The following CDH18 variants were observed in gnomAD, a reference collection of about 807,000 sequenced individuals.
CDH18 encodes cadherin-18.
A neutral mutation model predicts 67.9 loss-of-function variants in CDH18; 31 were observed. The ratio of observed to expected loss-of-function variants is 0.46; its 90% CI spans 0.34 to 0.62. The LOEUF (loss-of-function observed/expected upper bound fraction) is 0.62. Among genes scored for constraint, CDH18 ranks in the 20% least tolerant of loss-of-function variants. The probability of loss-of-function intolerance (pLI) is 0.01; values close to 1 mark genes in which losing one functional copy is unlikely to be tolerated. For missense variants in CDH18, 890 were observed against 975.5 expected, an observed-to-expected ratio of 0.91 and a Z score of 1.17; for synonymous variants, 362 against 347.2, an observed-to-expected ratio of 1.04 and a Z score of -0.48.
intron 2 of CDH18, among the ~76,000 whole-genome samples, chr5:20,113,742 A>C (rs1747668930): frequency 1.3e-5 from 2 of 152,244 alleles, no homozygotes; most frequent in Non-Finnish European, 2.9e-5. Context: ...CAGTAATCAT[A>C]ATACTAATTG....
At chr5:20,172,793 C>G (rs1393625153) in intron 2 of CDH18, among the ~76,000 whole-genome samples, 1 of 151,842 alleles carries the variant, frequency 6.6e-6, no homozygotes, top group Admixed American at 6.6e-5. Flanking sequence ...GAGTTCAAGA[C>G]CAACCTGACC....
At chr5:19,978,266 T>C (rs1798695845) in intron 2 of CDH18, among the ~76,000 whole-genome samples, 1 of 152,016 alleles carries the variant, frequency 6.6e-6, no homozygotes, top group Non-Finnish European at 1.5e-5. Context: ...TCATTAGGAG[T>C]AACATTTACC....
chr5:20,143,977 T>G (rs1383370863), intron 2 of CDH18, among the ~76,000 whole-genome samples: 1 of 152,178 alleles, frequency 6.6e-6, no homozygotes, highest in Admixed American at 6.6e-5. Flanking sequence ...CTCTCTTGTG[T>G]GATGTCTTGA....
chr5:19,953,228 TAA>T (rs1795967326), intron 2 of CDH18, among the ~76,000 whole-genome samples: 1 of 152,078 alleles, frequency 6.6e-6, no homozygotes, highest in Non-Finnish European at 1.5e-5. Flanking sequence ...ATAAATTATT[TAA>T]AATGAGGATG....
At chr5:20,327,169 C>A (rs891988564) in intron 1 of CDH18, among the ~76,000 whole-genome samples, 4 of 152,094 alleles carry the variant, frequency 2.6e-5, no homozygotes, top group Non-Finnish European at 5.9e-5. Flanking sequence ...AATATTGCGA[C>A]CCCAAACTCA....
chr5:19,575,001 C>T (rs1014780327), intron 7 of CDH18, among the ~76,000 whole-genome samples: 17 of 152,052 alleles, frequency 1.1e-4, no homozygotes, highest in African/African-American at 3.9e-4. Flanking sequence ...ATCATGCCAC[C>T]GCACTCCAGC....
chr5:19,872,267 A>G (rs942817936), intron 2 of CDH18, among the ~76,000 whole-genome samples: 1 of 152,194 alleles, frequency 6.6e-6, no homozygotes, highest in African/African-American at 2.4e-5. Context: ...ATACCCTAAG[A>G]TAACCTTAGG....
intron 2 of CDH18, among the ~76,000 whole-genome samples, chr5:19,840,767 G>T (rs916438624): frequency 6.6e-6 from 1 of 152,088 alleles, no homozygotes; most frequent in Non-Finnish European, 1.5e-5. Context: ...TATAAATTTT[G>T]CATCAAGTTT....
chr5:20,028,563 C>T (rs1448434421), intron 2 of CDH18, among the ~76,000 whole-genome samples: 5 of 152,124 alleles, frequency 3.3e-5, no homozygotes, highest in Non-Finnish European at 5.9e-5. Context: ...GTAGCCTCGA[C>T]CTTATTCACA....
intron 2 of CDH18, among the ~76,000 whole-genome samples, chr5:20,038,180 A>G (rs1370976762): frequency 3.9e-5 from 6 of 152,154 alleles, no homozygotes; most frequent in Admixed American, 1.3e-4. Context: ...TAGGCCAATA[A>G]CAAGTTCTGA....
chr5:19,646,267 A>G (rs1239843334), intron 5 of CDH18, among the ~76,000 whole-genome samples: 1 of 152,130 alleles, frequency 6.6e-6, no homozygotes, highest in African/African-American at 2.4e-5. Context: ...GGATGCAGAT[A>G]AACACACAGC....
chr5:20,166,835 G>A (rs1187944266), intron 2 of CDH18, among the ~76,000 whole-genome samples: 5 of 152,060 alleles, frequency 3.3e-5, no homozygotes, highest in Non-Finnish European at 5.9e-5. Context: ...CTCCAAGCAC[G>A]CACTATGCAA....
chr5:19,948,050 G>A (rs1442805162), intron 2 of CDH18, among the ~76,000 whole-genome samples: 6 of 152,104 alleles, frequency 3.9e-5, no homozygotes, highest in African/African-American at 9.7e-5. Context: ...ATTAGCTATC[G>A]AGGAAGTGTA....
At chr5:20,433,283 A>T (rs1748914418) in intron 1 of CDH18, among the ~76,000 whole-genome samples, 1 of 151,788 alleles carries the variant, frequency 6.6e-6, no homozygotes, top group Non-Finnish European at 1.5e-5. Context: ...ATATTTATAT[A>T]TACATATATG....
At chr5:19,527,807 G>A (rs1203135430) in intron 9 of CDH18, among the ~76,000 whole-genome samples, 1 of 151,778 alleles carries the variant, frequency 6.6e-6, no homozygotes, top group Non-Finnish European at 1.5e-5. Context: ...CTAGATTGAA[G>A]TGAATTATTT....
At chr5:19,635,528 T>C (rs537387640) in intron 5 of CDH18, among the ~76,000 whole-genome samples, 1 of 152,198 alleles carries the variant, frequency 6.6e-6, no homozygotes. Context: ...AAGTCATCTT[T>C]GGTAGTTGCA....
intron 2 of CDH18, among the ~76,000 whole-genome samples, chr5:20,002,159 T>G (rs867177611): frequency 6.6e-6 from 1 of 152,232 alleles, no homozygotes; most frequent in African/African-American, 2.4e-5. Context: ...ATTTCTACTA[T>G]GTTTTGAATT....
intron 8 of CDH18, among the ~76,000 whole-genome samples, chr5:19,566,646 G>A (rs1411544812): frequency 1.3e-5 from 2 of 151,986 alleles, no homozygotes; most frequent in African/African-American, 2.4e-5. Context: ...CCGCCCCCAC[G>A]ATTCAATTAT....
At chr5:20,226,799 C>T (rs1467748099) in intron 2 of CDH18, among the ~76,000 whole-genome samples, 1 of 151,966 alleles carries the variant, frequency 6.6e-6, no homozygotes. Context: ...AATATATAAA[C>T]TGTTTAAGTG....
Sources: gnomAD v4.1 joint callset for allele counts (sites outside exome capture counted in the v4.1 genomes callset) on GRCh38, gnomAD v4.1.1 for gene constraint, MANE v1.5 for transcripts, NCBI Gene and HGNC (gene_info 2026-07-23, HGNC 2026-07-21) for gene names.